Variants in EFCAB10 observed in about 807,000 individuals in gnomAD.
EFCAB10 encodes the protein EF-hand calcium binding domain 10.
In EFCAB10, 7 loss-of-function variants were observed where a neutral mutation model predicts 7.7. That is an observed-to-expected ratio of 0.91 (90% CI 0.52 to 1.72). EFCAB10 has a LOEUF of 1.72. Ranked by LOEUF, EFCAB10 falls within the 40% of genes most tolerant of loss-of-function variation. The probability of loss-of-function intolerance (pLI) is 0.00; values close to 1 mark genes in which losing one functional copy is unlikely to be tolerated. For missense variants in EFCAB10, 112 were observed against 61.5 expected, an observed-to-expected ratio of 1.82 and a Z score of -2.74; for synonymous variants, 52 against 21.0, an observed-to-expected ratio of 2.47 and a Z score of -4.03.
At chr7:105,568,854 G>A (rs1029538579) in intron 3 of EFCAB10, among the ~76,000 whole-genome samples, 4 of 152,088 alleles carry the variant, frequency 2.6e-5, no homozygotes, top group African/African-American at 9.6e-5. Flanking sequence ...GGAAGCTGAG[G>A]CAGGAGAATC....
intron 1 of EFCAB10, among the ~76,000 whole-genome samples, chr7:105,579,052 G>A (rs544774551): frequency 3.9e-5 from 6 of 152,158 alleles, no homozygotes; most frequent in Non-Finnish European, 7.3e-5. Flanking sequence ...GGAGGTGTGA[G>A]CCTCCGTGCA....
At chr7:105,567,048 T>G in intron 4 of EFCAB10, 3 of 938,844 alleles carry the variant, frequency 3.2e-6, no homozygotes, top group Non-Finnish European at 4.6e-6. Context: ...CTGTTTAGGA[T>G]TCTCAAAATT....
At chr7:105,570,225 AAAAAAAAAAAAAAAAATATAT>A (rs1446876316) in intron 1 of EFCAB10, among the ~76,000 whole-genome samples, 1 of 67,510 alleles carries the variant, frequency 1.5e-5, no homozygotes, top group African/African-American at 6.7e-5. Flanking sequence ...AAAAAAAAAA[AAAAAAAAAAAAAAAAATATAT>A]ATATATATAT....
intron 1 of EFCAB10, among the ~76,000 whole-genome samples, chr7:105,579,608 A>T (rs972047439): frequency 2.0e-5 from 3 of 152,202 alleles, no homozygotes; most frequent in African/African-American, 7.2e-5. Flanking sequence ...TGTGATCTAA[A>T]TTTATCTGGA....
chr7:105,573,204 T>G (rs1791993088), intron 1 of EFCAB10: 1 of 152,190 alleles, frequency 6.6e-6, no homozygotes, highest in Non-Finnish European at 1.5e-5. Context: ...GAAGTAGACT[T>G]TTAAATCTAA....
At position 105,565,183 on chromosome 7, in the gene EFCAB10, C is replaced by G. The variant is rs113457803; in HGVS notation, c.*264G>C. The G allele has an allele frequency of 4.9e-4, 554 of 1,123,826 alleles. 4 individuals are homozygous for G. The African/African-American group carries it at 6.4e-3, about 13-fold the overall frequency. The allele number at this position is 1,123,826 out of a possible 1,614,324, so 69.6% of individuals were successfully genotyped here. On this transcript the variant is annotated 3_prime_UTR_variant, in exon 5 of 5. Transcript: ENST00000480514. The stretch of plus-strand genomic sequence containing the variant: ...TATATTTTTTCTTATCCAAAATGCC[C>G]TAGGACAGAACACTTCCTCAAATTT...
At chr7:105,580,852 T>C (rs1792212030) in intron 1 of EFCAB10, among the ~76,000 whole-genome samples, 1 of 152,084 alleles carries the variant, frequency 6.6e-6, no homozygotes, top group South Asian at 2.1e-4. Context: ...GGTTCAGATG[T>C]GTAAAAAAAG....
chr7:105,568,905 T>C (rs1158268122), intron 3 of EFCAB10, among the ~76,000 whole-genome samples: 1 of 149,448 alleles, frequency 6.7e-6, no homozygotes, highest in African/African-American at 2.5e-5. Context: ...AGCCGACATA[T>C]TGCCACTGCA....
In EFCAB10 at chr7:105,569,538, TC is replaced by T. The variant is rs1198040356; in HGVS notation, c.139del (p.Glu47AsnfsTer3). On this transcript the variant is annotated frameshift_variant, in exon 2 of 5. Transcript: ENST00000480514. LOFTEE classifies it high-confidence loss of function. ...KPKEYLISLL[E>X]RLRIAKVTGV... ...TGTTACTTTTGCAATTCTCAGTCGT[TC>T]CAATAGAGATATTAAATATTCTTTT... 2.9e-6 allele frequency: 2 copies of T among 701,288 alleles called. No individual in the cohort carries two copies. Among genetic ancestry groups the T allele is most frequent in the Non-Finnish European group, 5.2e-6 (2 of 384,628 alleles). The allele number at this position is 701,288 out of a possible 1,614,324, so 43.4% of individuals were successfully genotyped here.
At chr7:105,581,323 G>A in intron 1 of EFCAB10, 35 bp downstream of exon 1, 1 of 702,054 alleles carries the variant, frequency 1.4e-6, no homozygotes, top group Non-Finnish European at 2.6e-6. Flanking sequence ...ACCCCACATG[G>A]AGGTATGGCT....
rs1424893571 is a variant in EFCAB10 at position 105,569,279 on chromosome 7, G to C, written c.283C>G (p.Leu95Val). ...FVQYKEALKTLGLCTEDEDLQ... is the reference protein window; with the variant it reads ...FVQYKEALKTVGLCTEDEDLQ... ...TCTTCATCTTCAGTGCATAGACCCA[G>C]GGTTTTTAGGGCTGTAAAATAATGA... Residue 95 changes from leucine (L) to valine (V), a missense_variant, in exon 3 of 5, where the codon CTG (leucine) becomes GTG (valine). By Grantham distance (32) the Leu-to-Val change is conservative. Transcript: ENST00000480514. 1.4e-6 allele frequency: 1 copy of C among 701,606 alleles called. No homozygotes were observed. Among genetic ancestry groups the C allele is most frequent in the African/African-American group, 1.7e-5 (1 of 57,192 alleles). The allele number at this position is 701,606 out of a possible 1,614,324, so 43.5% of individuals were successfully genotyped here. A position where few individuals can be genotyped will look rare whatever the true frequency, so the allele number is the denominator to read the frequency against.
At chr7:105,570,268 T>TATATACAC (rs1188257284) in intron 1 of EFCAB10, among the ~76,000 whole-genome samples, 5 of 66,444 alleles carry the variant, frequency 7.5e-5, no homozygotes, top group African/African-American at 2.5e-4. Context: ...TATATATATA[T>TATATACAC]ACACACACAC....
intron 3 of EFCAB10, among the ~76,000 whole-genome samples, chr7:105,568,065 C>G (rs1328104222): frequency 6.6e-6 from 1 of 152,148 alleles, no homozygotes; most frequent in Non-Finnish European, 1.5e-5. Context: ...CACAAATGCC[C>G]TTCTATTTTA....
chr7:105,571,167 A>G (rs1159385240), intron 1 of EFCAB10: 1 of 152,226 alleles, frequency 6.6e-6, no homozygotes, highest in African/African-American at 2.4e-5. Context: ...ATCCACATCA[A>G]TTTGTGAGGA....
intron 1 of EFCAB10, among the ~76,000 whole-genome samples, chr7:105,575,037 C>T (rs903972080): frequency 2.0e-5 from 3 of 151,008 alleles, no homozygotes; most frequent in Admixed American, 1.3e-4. Context: ...ATCACTTGAA[C>T]CCAGGAGGTG....
At chr7:105,568,953 G>GA (rs55730992) in intron 3 of EFCAB10, among the ~76,000 whole-genome samples, 2,555 of 121,700 alleles carry the variant, frequency 0.021, 42 homozygotes, top group East Asian at 0.042. Context: ...CCATCTCAGG[G>GA]AAAAAAAAAA....
In EFCAB10 at chr7:105,581,477, G is replaced by A. The variant is rs1417476314; in HGVS notation, c.-14C>T. On this transcript the variant is annotated 5_prime_UTR_variant, in exon 1 of 5. Transcript: ENST00000480514. ...GCTGGTCTCCATCGCTCCGCGTCCC[G>A]CTGTTGCTAGGCGACTGCCTGGCGT... 1.1e-5 allele frequency: 8 copies of A among 702,776 alleles called. No individual in the cohort carries two copies. Among genetic ancestry groups the A allele is most frequent in the Non-Finnish European group, 1.8e-5 (7 of 384,772 alleles). 43.5% of individuals were successfully genotyped at this position (702,776 alleles called of 1,614,324 possible). A position where few individuals can be genotyped will look rare whatever the true frequency, so the allele number is the denominator to read the frequency against.
At chr7:105,578,535 A>T (rs1382898660) in intron 1 of EFCAB10, among the ~76,000 whole-genome samples, 1 of 152,244 alleles carries the variant, frequency 6.6e-6, no homozygotes, top group African/African-American at 2.4e-5. Context: ...CCTAGAGCAC[A>T]AACATTAACA....
At position 105,565,300 on chromosome 7, in the gene EFCAB10, C is replaced by T. The variant is rs761520355; in HGVS notation, c.*147G>A. 6 of 1,602,860 alleles carry T rather than the reference C, an allele frequency of 3.7e-6. No homozygotes were observed. In the Admixed American group the frequency reaches 5.1e-5, roughly 14 times the overall value. ...AGATGGTTGTCCTTGCCATCTCAGT[C>T]AGAGCAGGCAGTGATGTCCCTGTCC... On this transcript the variant is annotated 3_prime_UTR_variant, in exon 5 of 5. Transcript: ENST00000480514.
Sources: allele counts gnomAD v4.1 joint callset (sites outside exome capture counted in the v4.1 genomes callset), GRCh38; gene constraint gnomAD v4.1.1; transcripts MANE v1.5; gene names NCBI Gene and HGNC (gene_info 2026-07-23, HGNC 2026-07-21).